SIPA1L1: variants seen among roughly 807,000 people sequenced by gnomAD.
The protein encoded by SIPA1L1 is signal-induced proliferation-associated 1-like protein 1.
In SIPA1L1, 26 loss-of-function variants were observed where a neutral mutation model predicts 162.7. The ratio of observed to expected loss-of-function variants is 0.16; its 90% CI spans 0.12 to 0.22. SIPA1L1 has a LOEUF of 0.22. Among genes scored for constraint, SIPA1L1 ranks in the 10% least tolerant of loss-of-function variants. SIPA1L1 has a pLI of 1.00. For missense variants in SIPA1L1, 1,874 were observed against 2,241.0 expected, an observed-to-expected ratio of 0.84 and a Z score of 3.31; for synonymous variants, 829 against 837.4, an observed-to-expected ratio of 0.99 and a Z score of 0.17.
intron 4 of SIPA1L1, among the ~76,000 whole-genome samples, chr14:71,547,379 C>T (rs1310344852): frequency 1.3e-5 from 2 of 150,104 alleles, no homozygotes; most frequent in Non-Finnish European, 3.0e-5. Context: ...CTGCAACCTC[C>T]ACCTCCCAGG....
chr14:71,699,154 A>G (rs1363340381), intron 14 of SIPA1L1, 27 bp downstream of exon 14: 1 of 1,611,146 alleles, frequency 6.2e-7, no homozygotes, highest in Non-Finnish European at 8.5e-7. Context: ...CCCATTGTAC[A>G]TGGTCCCTGT....
intron 2 of SIPA1L1, among the ~76,000 whole-genome samples, chr14:71,427,444 C>T (rs903028223): frequency 7.2e-5 from 11 of 152,122 alleles, no homozygotes; most frequent in African/African-American, 1.7e-4. Context: ...TGCTTTTCTC[C>T]TGCTGCTTTC....
intron 2 of SIPA1L1, among the ~76,000 whole-genome samples, chr14:71,353,665 C>G (rs771959278): frequency 9.9e-5 from 15 of 152,048 alleles, no homozygotes; most frequent in Non-Finnish European, 1.8e-4. Flanking sequence ...ATTATGGTGA[C>G]TAGACCTGGT....
intron 2 of SIPA1L1, among the ~76,000 whole-genome samples, chr14:71,487,621 C>A (rs772600157): frequency 6.6e-5 from 10 of 152,076 alleles, no homozygotes; most frequent in Non-Finnish European, 1.0e-4. Flanking sequence ...GGAAGACTAC[C>A]TAGAGCTCTC....
In SIPA1L1 at chr14:71,515,689, C is replaced by T. The variant is rs146945510; in HGVS notation, c.-362+2844C>T. Among the ~76,000 whole-genome samples the T allele has an allele frequency of 8.2e-4, 124 of 152,140 alleles. No homozygotes were observed. In the East Asian group the frequency reaches 0.02, roughly 25 times the overall value. ...AGATGGAGTCTTACTCTGTCTCCCA[C>T]GCTCTACTGCAGTGGCGCGATCTCA... On this transcript the variant is annotated intron_variant, in intron 3 of 23. Transcript: ENST00000381232.
chr14:71,437,213 AT>A (rs1288536407), intron 2 of SIPA1L1, among the ~76,000 whole-genome samples: 1 of 152,024 alleles, frequency 6.6e-6, no homozygotes, highest in Non-Finnish European at 1.5e-5. Flanking sequence ...AAAAAAGTTG[AT>A]TTTACAAAAT....
At chr14:71,702,207 A>AT (rs2149840017) in intron 14 of SIPA1L1, 174 bp from the exon 15 acceptor site, 1 of 627,498 alleles carries the variant, frequency 1.6e-6, no homozygotes, top group South Asian at 2.0e-5. Flanking sequence ...TGACCACAAC[A>AT]TACACATTTC....
chr14:71,612,731 C>T (rs1379157853), intron 5 of SIPA1L1, among the ~76,000 whole-genome samples: 3 of 152,124 alleles, frequency 2.0e-5, no homozygotes, highest in Non-Finnish European at 4.4e-5. Flanking sequence ...CTTTCTTTGC[C>T]TTGTACACAC....
intron 7 of SIPA1L1, among the ~76,000 whole-genome samples, chr14:71,637,218 CAG>C (rs2041248062): frequency 6.6e-6 from 1 of 150,598 alleles, no homozygotes; most frequent in South Asian, 2.1e-4. Context: ...CAAAGAAAAA[CAG>C]ACAATACAAA....
At chr14:71,629,522 A>G (rs2040364115) in intron 7 of SIPA1L1, among the ~76,000 whole-genome samples, 1 of 152,214 alleles carries the variant, frequency 6.6e-6, no homozygotes, top group Non-Finnish European at 1.5e-5. Context: ...ATATTGCTGC[A>G]GACTTCAGTG....
chr14:71,653,476 A>G (rs1172808931), intron 8 of SIPA1L1, among the ~76,000 whole-genome samples: 2 of 152,120 alleles, frequency 1.3e-5, no homozygotes, highest in Non-Finnish European at 2.9e-5. Flanking sequence ...TGCCTAGCAA[A>G]TATCAGTCAC....
At position 71,656,387 on chromosome 14, in the gene SIPA1L1, G is replaced by GTA. The variant is rs540892882; in HGVS notation, c.1994-1943_1994-1942dup. Among the ~76,000 whole-genome samples, 696 of 151,838 alleles carry GTA rather than the reference G, an allele frequency of 4.6e-3. 6 individuals carry two copies. Among genetic ancestry groups the GTA allele is most frequent in the Middle Eastern group, 6.8e-3 (2 of 292 alleles). On this transcript the variant is annotated intron_variant, in intron 8 of 23. Transcript: ENST00000381232. ...TGCTTAAAATTGACTTGAAACACATGTATAAGTACACGTCAGTGGTGACAC... is the reference window on the plus strand; with the variant it reads ...TGCTTAAAATTGACTTGAAACACATGTATATAAGTACACGTCAGTGGTGACAC...
At chr14:71,734,933 G>A (rs899752979) in intron 21 of SIPA1L1, among the ~76,000 whole-genome samples, 5 of 152,178 alleles carry the variant, frequency 3.3e-5, no homozygotes, top group East Asian at 1.9e-4. Context: ...GCTAGCTCTC[G>A]AACGCATTTA....
chr14:71,357,256 G>GTT (rs112570629), intron 2 of SIPA1L1, among the ~76,000 whole-genome samples: 1 of 151,442 alleles, frequency 6.6e-6, no homozygotes, highest in East Asian at 1.9e-4. Context: ...TTTATCTGAA[G>GTT]TTTTTTTTTG....
chr14:71,722,555 GTC>G (rs1438163795), intron 17 of SIPA1L1, among the ~76,000 whole-genome samples: 1 of 152,162 alleles, frequency 6.6e-6, no homozygotes, highest in Non-Finnish European at 1.5e-5. Context: ...AAATAGTGTG[GTC>G]CTGTGAGACC....
In SIPA1L1 at chr14:71,513,997, C is replaced by A. The variant is rs117895659; in HGVS notation, c.-362+1152C>A. Among the ~76,000 whole-genome samples, 1,329 of 152,188 alleles carry A rather than the reference C, an allele frequency of 8.7e-3. 12 individuals are homozygous for A. The highest frequency in any genetic ancestry group is 0.035 in the South Asian group (168 of 4,824). On this transcript the variant is annotated intron_variant, in intron 3 of 23. Coordinates refer to ENST00000381232, the MANE Select transcript of SIPA1L1 (RefSeq NM_001386936.1). ...GCGAATCCGTACGGGTCTGCAGCAA[C>A]CTCAATTCTTGCCTCCTCAGAAGAA...
intron 2 of SIPA1L1, among the ~76,000 whole-genome samples, chr14:71,429,669 C>T (rs931633145): frequency 6.6e-5 from 10 of 152,114 alleles, no homozygotes; most frequent in African/African-American, 9.7e-5. Context: ...TAGACACTCT[C>T]GAATTGCTTT....
At chr14:71,562,286 A>G (rs2056860078) in intron 4 of SIPA1L1, among the ~76,000 whole-genome samples, 1 of 152,006 alleles carries the variant, frequency 6.6e-6, no homozygotes, top group South Asian at 2.1e-4. Context: ...GACATAGTAA[A>G]TTACCCAGTC....
chr14:71,597,561 A>C (rs751388888), intron 5 of SIPA1L1, among the ~76,000 whole-genome samples: 3 of 152,172 alleles, frequency 2.0e-5, no homozygotes, highest in Non-Finnish European at 4.4e-5. Context: ...TAGGAGAAGT[A>C]GTGTAACCTT....
Sources: gnomAD v4.1 joint callset for allele counts (sites outside exome capture counted in the v4.1 genomes callset) on GRCh38, gnomAD v4.1.1 for gene constraint, MANE v1.5 for transcripts, NCBI Gene and HGNC (gene_info 2026-07-23, HGNC 2026-07-21) for gene names.